The following ADAD2 variants were observed in gnomAD, a reference collection of about 807,000 sequenced individuals.
ADAD2 encodes the protein adenosine deaminase domain-containing protein 2.
In ADAD2, 60 loss-of-function variants were observed where a neutral mutation model predicts 54.5. The observed-to-expected ratio is 1.10, with a 90% CI of 0.89 to 1.36. The LOEUF is 1.36. Ranked by LOEUF, ADAD2 falls within the 40% of genes most tolerant of loss-of-function variation. The probability of loss-of-function intolerance (pLI) is 0.00; values close to 1 mark genes in which losing one functional copy is unlikely to be tolerated. For synonymous variants in ADAD2, 543 were observed against 366.2 expected, an observed-to-expected ratio of 1.48 and a Z score of -5.51; for missense variants, 1,103 against 801.3, an observed-to-expected ratio of 1.38 and a Z score of -4.54.
chr16:84,196,463 AACCCCTTCGCT>A, intron 8 of ADAD2, 93 bp downstream of exon 8: 2 of 704,792 alleles, frequency 2.8e-6, no homozygotes, highest in Non-Finnish European at 3.9e-6. Context: ...ATCCCAGCGC[AACCCCTTCGCT>A]CAACCCCTTC....
In ADAD2 at chr16:84,191,359, GGGGCCCGCGCCCGCGCCCGC is replaced by G. The variant is rs1278433692; in HGVS notation, c.131_150del (p.Gly44AspfsTer113). 2 of 1,556,634 alleles carry G rather than the reference GGGGCCCGCGCCCGCGCCCGC, an allele frequency of 1.3e-6. No individual in the cohort carries two copies. The highest frequency in any genetic ancestry group is 1.7e-6 in the Non-Finnish European group (2 of 1,155,472). ...TACCCGCCCAGGCCCAAAGTGCCTG[GGGGCCCGCGCCCGCGCCCGC>G]GACGTATCGCGCGGAGGGCGGGTGG... On this transcript the variant is annotated frameshift_variant, in exon 1 of 10. Coordinates refer to ENST00000315906, the MANE Select transcript of ADAD2 (RefSeq NM_001145400.2). LOFTEE classifies it high-confidence loss of function.
chr16:84,195,079 G>A lies in ADAD2; in HGVS notation c.618G>A (p.Leu206=). Reference sequence around the variant, plus strand: ...CTCGCCCTGGCGCAGAGAACATCCTGACCCATGAGCAGCGCTGCGCAGCGT... The same window carrying A: ...CTCGCCCTGGCGCAGAGAACATCCTAACCCATGAGCAGCGCTGCGCAGCGT... ...PLAPLSVENI[L]THEQRCAALV... is the part of the protein sequence containing the mutation. The change falls in exon 4 of 10, where the codon CTG becomes CTA. Residue 206 remains leucine (L), a synonymous_variant. Transcript: ENST00000315906. 1 of 1,613,574 alleles carries A rather than the reference G, an allele frequency of 6.2e-7. No homozygotes were observed. The highest frequency in any genetic ancestry group is 8.5e-7 in the Non-Finnish European group (1 of 1,179,880).
chr16:84,193,697 C>G, intron 1 of ADAD2: 2 of 274,900 alleles, frequency 7.3e-6, no homozygotes, highest in Non-Finnish European at 1.4e-5. Flanking sequence ...TGATGGTTCT[C>G]CCCAGATTCA....
chr16:84,194,006 G>A (rs2151326842), intron 1 of ADAD2: 1 of 1,574,962 alleles, frequency 6.3e-7, no homozygotes, highest in Middle Eastern at 1.7e-4. Flanking sequence ...TGTTTCATAG[G>A]AAAAGTGTTC....
chr16:84,196,253 C>T lies in ADAD2; in HGVS notation c.1409C>T (p.Pro470Leu). Residue 470 changes from proline (P) to leucine (L), a missense_variant, in exon 8 of 10, where the codon CCC becomes CTC. Pro to Leu is a moderately conservative substitution (Grantham distance 98). Transcript: ENST00000315906. ...ACCGCCCTGCACCTGTTTGCAGGGC[C>T]CCCGGTGGCCCCTTCCGAACCCACC... ...VRTALHLFAGPPVAPSEPTPD... is the reference protein window; with the variant it reads ...VRTALHLFAGLPVAPSEPTPD... 6.2e-7 allele frequency: 1 copy of T among 1,612,464 alleles called. No individual in the cohort carries two copies. Among genetic ancestry groups the T allele is most frequent in the Non-Finnish European group, 8.5e-7 (1 of 1,179,920 alleles).
chr16:84,194,945 C>T lies in ADAD2; in HGVS notation c.572C>T (p.Thr191Ile). 3.1e-6 allele frequency: 5 copies of T among 1,611,518 alleles called. No individual in the cohort carries two copies. The highest frequency in any genetic ancestry group is 4.2e-6 in the Non-Finnish European group (5 of 1,178,798). ...SQLENPESPQ[T>I]SSRPPLAPLS... is the part of the protein sequence containing the mutation. ...TTGCCTCTTTCAGAGTCCCCCCAGA[C>T]CTCCAGCCGGCCTCCACTGGCCCCC... Residue 191 changes from threonine to isoleucine, a missense_variant, in exon 3 of 10, where the codon ACC becomes ATC. By Grantham distance (89) the Thr-to-Ile change is moderately conservative. Coordinates refer to ENST00000315906, the MANE Select transcript of ADAD2 (RefSeq NM_001145400.2).
At position 84,196,866 on chromosome 16, in the gene ADAD2, C is replaced by A; in HGVS notation, c.1648-4C>A. 1 of 1,592,084 alleles carries A rather than the reference C, an allele frequency of 6.3e-7. No individual in the cohort carries two copies. ...CTCACCCCACCTCTCATCTCCCGCC[C>A]TAGGCTGGGCCCTACCAGGAGGCTC... On this transcript the variant is annotated splice_polypyrimidine_tract_variant and splice_region_variant and intron_variant, in intron 9 of 9. Transcript: ENST00000315906.
intron 1 of ADAD2, 175 bp downstream of exon 1, chr16:84,191,823 C>T (rs1460943131): frequency 6.7e-6 from 6 of 899,088 alleles, no homozygotes; most frequent in South Asian, 2.8e-5. Context: ...CTGCTGTGAG[C>T]AGCGATCTCC....
rs372889766 is a variant in ADAD2, at chr16:84,195,857, C to G, written c.1095C>G (p.Pro365=). 6 of 1,606,682 alleles carry G rather than the reference C, an allele frequency of 3.7e-6. No homozygotes were observed. The South Asian group carries it at 6.6e-5, about 18-fold the overall frequency. Residue 365 remains proline (P), a synonymous_variant, in exon 7 of 10, where the codon CCC becomes CCG. Transcript: ENST00000315906. Reference sequence around the variant, plus strand: ...AAGGTGGCCTCCCGCACAGCCCACCCATGCGCCTGCAGGCCCATGTGCTCG... The same window carrying G: ...AAGGTGGCCTCCCGCACAGCCCACCGATGCGCCTGCAGGCCCATGTGCTCG... ...TSEGGLPHSP[P]MRLQAHVLGQ...
At chr16:84,194,150 G>C (rs1469849466) in intron 1 of ADAD2, 32 of 1,611,584 alleles carry the variant, frequency 2.0e-5, no homozygotes, top group Non-Finnish European at 2.7e-5. Context: ...CCTGACTCAA[G>C]TTGGGCAAAC....
chr16:84,193,997 G>A, intron 1 of ADAD2: 6 of 1,564,884 alleles, frequency 3.8e-6, no homozygotes, highest in Non-Finnish European at 5.2e-6. Context: ...AAATGATACT[G>A]TTTCATAGGA....
chr16:84,191,584 C>T lies in ADAD2; in HGVS notation c.354C>T (p.Ser118=), dbSNP rs1471595895. ...LKDPPASQAV[S]LLTEYAASLG... Reference sequence around the variant, plus strand: ...ACCCACCTGCCAGCCAGGCCGTGTCCTTGCTCACGGAGTACGCGGCCAGCC... The same window carrying T: ...ACCCACCTGCCAGCCAGGCCGTGTCTTTGCTCACGGAGTACGCGGCCAGCC... The change falls in exon 1 of 10, where the codon TCC becomes TCT. Residue 118 remains serine, a synonymous_variant. Coordinates refer to ENST00000315906, the MANE Select transcript of ADAD2 (RefSeq NM_001145400.2). 1.9e-6 allele frequency: 3 copies of T among 1,550,170 alleles called. No individual in the cohort carries two copies. Among genetic ancestry groups the T allele is most frequent in the Non-Finnish European group, 2.6e-6 (3 of 1,147,238 alleles).
chr16:84,191,510 G>A lies in ADAD2; in HGVS notation c.280G>A (p.Ala94Thr). ...WENLGEQMGKAPRVPVPPAGL... is the reference protein window; with the variant it reads ...WENLGEQMGKTPRVPVPPAGL... ...AAACTTGGGGGAACAGATGGGGAAG[G>A]CCCCGAGGGTCCCTGTGCCCCCAGC... The change falls in exon 1 of 10, where the codon GCC (alanine) becomes ACC (threonine). Residue 94 changes from alanine to threonine, a missense_variant. Coordinates refer to ENST00000315906, the MANE Select transcript of ADAD2 (RefSeq NM_001145400.2). 3 of 1,544,176 alleles carry A rather than the reference G, an allele frequency of 1.9e-6. No homozygotes were observed. Among genetic ancestry groups the A allele is most frequent in the Non-Finnish European group, 2.6e-6 (3 of 1,146,304 alleles).
intron 1 of ADAD2, among the ~76,000 whole-genome samples, chr16:84,192,403 G>A (rs934845389): frequency 2.0e-5 from 3 of 152,218 alleles, no homozygotes; most frequent in Admixed American, 6.5e-5. Context: ...GACCTCCTGG[G>A]CCTCCAAAGT....
At chr16:84,196,447 A>G in intron 8 of ADAD2, 77 bp downstream of exon 8, 1 of 1,558,574 alleles carries the variant, frequency 6.4e-7, no homozygotes, top group Non-Finnish European at 8.7e-7. Flanking sequence ...TCCTCACCTC[A>G]GTCTAATCCC....
rs1365378830 is a variant in ADAD2 at position 84,196,931 on chromosome 16, G to A, written c.1709G>A (p.Gly570Glu). 3.7e-6 allele frequency: 6 copies of A among 1,605,886 alleles called. No individual in the cohort carries two copies. The stretch of plus-strand genomic sequence containing the variant: ...CTCCTCCTGGACCAGCAGGGCCTGG[G>A]GGCTTGGCCCTCGAAGCCACTGGTG... ...LSLLLDQQGL[G>E]AWPSKPLVGK... The change falls in exon 10 of 10, where the codon GGG becomes GAG. Residue 570 changes from glycine (G) to glutamate (E), a missense_variant. Transcript: ENST00000315906.
chr16:84,193,700 C>A, intron 1 of ADAD2: 1 of 278,814 alleles, frequency 3.6e-6, no homozygotes. Flanking sequence ...TGGTTCTCCC[C>A]AGATTCAGTC....
In ADAD2 at chr16:84,194,522, G is replaced by T. The variant is rs1464975849; in HGVS notation, c.499G>T (p.Ala167Ser). The T allele has an allele frequency of 6.2e-7, 1 of 1,612,146 alleles. No homozygotes were observed. The highest frequency in any genetic ancestry group is 1.3e-5 in the African/African-American group (1 of 74,896). ...PAGTANSKTEAKQQAALSALC... is the reference protein window; with the variant it reads ...PAGTANSKTESKQQAALSALC... ...GGGCACTGCGAATAGCAAGACGGAG[G>T]CCAAACAGCAGGCAGCGCTCTCTGC... Residue 167 changes from alanine to serine, a missense_variant, in exon 2 of 10, where the codon GCC becomes TCC. Coordinates refer to ENST00000315906, the MANE Select transcript of ADAD2 (RefSeq NM_001145400.2).
At chr16:84,196,455 C>T (rs893350829) in intron 8 of ADAD2, 85 bp downstream of exon 8, 6 of 1,550,110 alleles carry the variant, frequency 3.9e-6, no homozygotes, top group Non-Finnish European at 5.2e-6. Flanking sequence ...TCAGTCTAAT[C>T]CCAGCGCAAC....
Sources: gnomAD v4.1 joint callset for allele counts (sites outside exome capture counted in the v4.1 genomes callset) on GRCh38, gnomAD v4.1.1 for gene constraint, MANE v1.5 for transcripts, NCBI Gene and HGNC (gene_info 2026-07-23, HGNC 2026-07-21) for gene names.